Variants in MED15 observed in about 807,000 individuals in gnomAD.
MED15 encodes the protein mediator of RNA polymerase II transcription subunit 15.
MED15 carries 41 observed loss-of-function variants against 118.7 expected under a neutral mutation model. That is an observed-to-expected ratio of 0.35 (90% CI 0.27 to 0.45). MED15 has a LOEUF of 0.45. Among genes scored for constraint, MED15 ranks in the 20% least tolerant of loss-of-function variants. The probability of loss-of-function intolerance (pLI) is 1.00; values close to 1 mark genes in which losing one functional copy is unlikely to be tolerated. For missense variants in MED15, 740 were observed against 1,025.5 expected, an observed-to-expected ratio of 0.72 and a Z score of 3.80; for synonymous variants, 436 against 413.9, an observed-to-expected ratio of 1.05 and a Z score of -0.65.
chr22:20,512,272 G>A (rs917090079), intron 1 of MED15, among the ~76,000 whole-genome samples: 1 of 152,052 alleles, frequency 6.6e-6, no homozygotes, highest in East Asian at 1.9e-4. Context: ...ACAGATGTGA[G>A]CTACTATGCC....
chr22:20,552,214 A>T (rs1488075659), intron 3 of MED15, among the ~76,000 whole-genome samples: 1 of 152,196 alleles, frequency 6.6e-6, no homozygotes, highest in Non-Finnish European at 1.5e-5. Flanking sequence ...CCGCTGCATA[A>T]CCACCAGAGG....
At chr22:20,565,912 G>C (rs165900) in intron 6 of MED15, among the ~76,000 whole-genome samples, 24,496 of 152,100 alleles carry the variant, frequency 0.16, 2,358 homozygotes, top group South Asian at 0.25. Flanking sequence ...CACACACTTG[G>C]TGCCTCCCCG....
intron 1 of MED15, among the ~76,000 whole-genome samples, chr22:20,515,987 C>A (rs1396079077): frequency 2.1e-5 from 3 of 140,050 alleles, no homozygotes; most frequent in Middle Eastern, 3.7e-3. Context: ...GGTGACAGAG[C>A]AAGACTCTGT....
At chr22:20,558,434 G>T (rs2056103276) in intron 5 of MED15, among the ~76,000 whole-genome samples, 1 of 152,184 alleles carries the variant, frequency 6.6e-6, no homozygotes, top group African/African-American at 2.4e-5. Context: ...GAAACTGCTG[G>T]TTGTTCCTAT....
chr22:20,548,308 T>G (rs1325317019), intron 2 of MED15, among the ~76,000 whole-genome samples: 1 of 152,122 alleles, frequency 6.6e-6, no homozygotes, highest in African/African-American at 2.4e-5. Context: ...ATTACCGGCA[T>G]GCGCCACCAG....
chr22:20,566,030 CTTTTTTTTTT>C (rs555771579), intron 6 of MED15, among the ~76,000 whole-genome samples: 1 of 119,586 alleles, frequency 8.4e-6, no homozygotes, highest in South Asian at 2.8e-4. Flanking sequence ...CCAGGAAGGC[CTTTTTTTTTT>C]TTTTTTTTTT....
rs2057144476 is a variant in MED15 at position 20,586,644 on chromosome 22, C to T, written c.2307C>T (p.Val769=). 16 of 1,612,926 alleles carry T rather than the reference C, an allele frequency of 9.9e-6. No individual in the cohort carries two copies. Among genetic ancestry groups the T allele is most frequent in the Non-Finnish European group, 1.3e-5 (15 of 1,179,996 alleles). ...TGCAGCTCCCGGACAAGCACTCGGT[C>T]ACCGCCTTGCTCAACACCTGGGCCC... The part of the protein sequence containing the change: ...RLLQLPDKHS[V]TALLNTWAQS... The change falls in exon 18 of 18, where the codon GTC becomes GTT. Residue 769 remains valine, a synonymous_variant. Coordinates refer to ENST00000263205, the MANE Select transcript of MED15 (RefSeq NM_001003891.3).
At chr22:20,536,235 A>T (rs1160321637) in intron 1 of MED15, among the ~76,000 whole-genome samples, 2 of 151,996 alleles carry the variant, frequency 1.3e-5, no homozygotes, top group Non-Finnish European at 2.9e-5. Context: ...GACCCATCCC[A>T]CTGGCAAGAA....
chr22:20,541,744 G>A (rs1428623400), intron 2 of MED15, among the ~76,000 whole-genome samples: 1 of 151,710 alleles, frequency 6.6e-6, no homozygotes, highest in Non-Finnish European at 1.5e-5. Flanking sequence ...CCGCCTCCCA[G>A]GTTCAAACAA....
intron 1 of MED15, chr22:20,522,165 G>A (rs1309577961): frequency 6.6e-6 from 1 of 152,230 alleles, no homozygotes; most frequent in East Asian, 1.9e-4. Context: ...CTTTGGTCAT[G>A]TCTTCTGGTA....
At chr22:20,584,105 A>T (rs2057067178) in intron 13 of MED15, 1 of 546,712 alleles carries the variant, frequency 1.8e-6, no homozygotes, top group Non-Finnish European at 3.3e-6. Flanking sequence ...ACAATGAGGC[A>T]TTCACAGCCT....
At chr22:20,519,734 C>T (rs1295856804) in intron 1 of MED15, among the ~76,000 whole-genome samples, 1 of 152,136 alleles carries the variant, frequency 6.6e-6, no homozygotes, top group Non-Finnish European at 1.5e-5. Flanking sequence ...GGATTACAGG[C>T]GTGAGCCATT....
chr22:20,511,398 G>T (rs920767156), intron 1 of MED15, among the ~76,000 whole-genome samples: 6 of 151,812 alleles, frequency 4.0e-5, no homozygotes, highest in East Asian at 1.9e-4. Context: ...AGGCTGAGGT[G>T]GGGGGATCGC....
chr22:20,514,531 G>A (rs1401245577), intron 1 of MED15, among the ~76,000 whole-genome samples: 1 of 152,018 alleles, frequency 6.6e-6, no homozygotes, highest in African/African-American at 2.4e-5. Context: ...GATGTCCATT[G>A]GGCAAAACAA....
At chr22:20,586,466 C>T (rs1038272327) in intron 17 of MED15, 102 bp from the exon 18 acceptor site, 25 of 1,522,622 alleles carry the variant, frequency 1.6e-5, no homozygotes, top group Middle Eastern at 1.7e-4. Flanking sequence ...CCTGGTGCTT[C>T]GGCCCGCGCC....
intron 2 of MED15, among the ~76,000 whole-genome samples, chr22:20,539,488 G>A (rs962851452): frequency 2.0e-5 from 3 of 152,210 alleles, no homozygotes; most frequent in African/African-American, 7.2e-5. Flanking sequence ...TCGTTAGTTG[G>A]TGGACATTTA....
rs139139291 is a variant in MED15 at position 20,567,193 on chromosome 22, A to G, written c.1041+376A>G. 7.1e-3 allele frequency among the ~76,000 whole-genome samples: 1,076 copies of G among 152,044 alleles called. 4 individuals are homozygous for G. The highest frequency in any genetic ancestry group is 0.038 in the Middle Eastern group (11 of 292). The stretch of plus-strand genomic sequence containing the variant: ...GTCAGTGTCTGGTGGTTTGCCAACT[A>G]CTCAGAGTTAATGTTCTAAGCAAAT... On this transcript the variant is annotated intron_variant, in intron 7 of 17. Coordinates refer to ENST00000263205, the MANE Select transcript of MED15 (RefSeq NM_001003891.3).
rs773958693 is a variant in MED15 at position 20,566,520 on chromosome 22, ACAGCAACAG to A, written c.750_758del (p.Gln260_Gln262del). ...GAATAGCACAGCTGCAGCTCCAACA[ACAGCAACAG>A]CAGCAGCAGCAGCAGCAGCAGCAGC... On this transcript the variant is annotated inframe_deletion, in exon 7 of 18. Transcript: ENST00000263205. 8 of 1,603,492 alleles carry A rather than the reference ACAGCAACAG, an allele frequency of 5.0e-6. No individual in the cohort carries two copies. The East Asian group carries it at 1.8e-4, about 36-fold the overall frequency.
intron 8 of MED15, among the ~76,000 whole-genome samples, chr22:20,571,420 T>C (rs1436341057): frequency 1.3e-5 from 2 of 152,258 alleles, no homozygotes; most frequent in Non-Finnish European, 2.9e-5. Context: ...CCACCTGCCC[T>C]GTGGCACCAT....
Sources: gnomAD v4.1 joint callset for allele counts (sites outside exome capture counted in the v4.1 genomes callset) on GRCh38, gnomAD v4.1.1 for gene constraint, MANE v1.5 for transcripts, NCBI Gene and HGNC (gene_info 2026-07-23, HGNC 2026-07-21) for gene names.